ZNF697: variants seen among roughly 807,000 people sequenced by gnomAD.
ZNF697 encodes zinc finger protein 697.
A neutral mutation model predicts 32.4 loss-of-function variants in ZNF697; 23 were observed. That is an observed-to-expected ratio of 0.71 (90% CI 0.51 to 1.01). The LOEUF (loss-of-function observed/expected upper bound fraction) is 1.01. Among genes scored for constraint, ZNF697 ranks in the 50% least tolerant of loss-of-function variants. The pLI, the probability that ZNF697 is intolerant of heterozygous loss-of-function variation, is 0.00. For missense variants in ZNF697, 930 were observed against 794.0 expected (o/e 1.17, Z -2.06); for synonymous variants, 418 against 337.2 (o/e 1.24, Z -2.62).
chr1:119,641,568 A>T (rs1649075956), intron 1 of ZNF697, among the ~76,000 whole-genome samples: 1 of 152,186 alleles, frequency 6.6e-6, no homozygotes, highest in Non-Finnish European at 1.5e-5. Flanking sequence ...TAGGCACATG[A>T]AAAGATTTTT....
chr1:119,622,720 C>A lies in ZNF697; in HGVS notation c.1623G>T (p.Lys541Asn). The A allele has an allele frequency of 6.5e-7, 1 of 1,539,942 alleles. No homozygotes were observed. The highest frequency in any genetic ancestry group is 8.8e-7 in the Non-Finnish European group (1 of 1,140,604). Residue 541 changes from lysine to asparagine, a missense_variant, in exon 3 of 3, where the codon AAG (lysine) becomes AAT (asparagine). Coordinates refer to ENST00000421812, the MANE Select transcript of ZNF697 (RefSeq NM_001080470.2). ...GACCCAGCCCCTAACACAGGTGCAG[C>A]TTCTGGTGCTGCGCGAGGTGCGTTT... ...RYKTHLAQHQKLHLC is the reference protein window; with the variant it reads ...RYKTHLAQHQNLHLC
intron 1 of ZNF697, among the ~76,000 whole-genome samples, chr1:119,630,877 A>G (rs1312162710): frequency 6.6e-6 from 1 of 152,174 alleles, no homozygotes; most frequent in African/African-American, 2.4e-5. Flanking sequence ...CTCAAAAAAA[A>G]AAGAGGAAGG....
intron 1 of ZNF697, among the ~76,000 whole-genome samples, chr1:119,626,396 T>C (rs997286929): frequency 2.6e-5 from 4 of 152,198 alleles, no homozygotes; most frequent in Non-Finnish European, 4.4e-5. Context: ...GGCTATGATA[T>C]GGATGTCTAT....
chr1:119,643,703 G>C (rs1029206814), intron 1 of ZNF697, among the ~76,000 whole-genome samples: 1 of 152,118 alleles, frequency 6.6e-6, no homozygotes, highest in Non-Finnish European at 1.5e-5. Context: ...CATGACATCT[G>C]AGAGATTTGG....
At chr1:119,639,530 A>G (rs115891728) in intron 1 of ZNF697, among the ~76,000 whole-genome samples, 3,238 of 152,208 alleles carry the variant, frequency 0.021, 108 homozygotes, top group African/African-American at 0.075. Context: ...TCGTCCTCAA[A>G]GCATGGGTTA....
intron 1 of ZNF697, among the ~76,000 whole-genome samples, chr1:119,644,711 A>C (rs1649157326): frequency 6.6e-6 from 1 of 152,260 alleles, no homozygotes; most frequent in East Asian, 1.9e-4. Context: ...GCTGATATAC[A>C]GATGTTCAAT....
chr1:119,637,053 C>T (rs965176920), intron 1 of ZNF697, among the ~76,000 whole-genome samples: 1 of 152,210 alleles, frequency 6.6e-6, no homozygotes, highest in African/African-American at 2.4e-5. Context: ...CTACCCAGTA[C>T]ACAAAATGCT....
At chr1:119,635,288 G>T (rs1414071056) in intron 1 of ZNF697, among the ~76,000 whole-genome samples, 1 of 152,132 alleles carries the variant, frequency 6.6e-6, no homozygotes, top group African/African-American at 2.4e-5. Context: ...TGGTTACAAG[G>T]CTTAATACTG....
intron 1 of ZNF697, among the ~76,000 whole-genome samples, chr1:119,628,895 ACAGAT>A (rs1648681638): frequency 1.3e-5 from 2 of 152,238 alleles, no homozygotes; most frequent in African/African-American, 4.8e-5. Context: ...ACATGTATAC[ACAGAT>A]CAGAGAGGAA....
intron 1 of ZNF697, among the ~76,000 whole-genome samples, chr1:119,635,614 C>A (rs777437060): frequency 6.6e-6 from 1 of 152,152 alleles, no homozygotes; most frequent in Non-Finnish European, 1.5e-5. Flanking sequence ...CCAGGACAGA[C>A]AAACTAATGA....
intron 1 of ZNF697, among the ~76,000 whole-genome samples, chr1:119,634,019 A>C (rs1483564531): frequency 6.6e-6 from 1 of 152,210 alleles, no homozygotes; most frequent in Non-Finnish European, 1.5e-5. Flanking sequence ...ACAGGTTAAG[A>C]CTGCACCAGG....
intron 1 of ZNF697, among the ~76,000 whole-genome samples, chr1:119,630,997 G>T (rs1648747172): frequency 6.6e-6 from 1 of 152,246 alleles, no homozygotes; most frequent in African/African-American, 2.4e-5. Flanking sequence ...CCACTTTGGG[G>T]CTACCTGTGA....
chr1:119,625,765 C>T (rs1648560243), intron 2 of ZNF697, 110 bp downstream of exon 2: 2 of 1,401,904 alleles, frequency 1.4e-6, no homozygotes, highest in South Asian at 2.8e-5. Context: ...TTAATGGTCC[C>T]CTCTATGGAA....
chr1:119,636,470 A>G (rs777773673), intron 1 of ZNF697, among the ~76,000 whole-genome samples: 5 of 152,208 alleles, frequency 3.3e-5, no homozygotes, highest in Non-Finnish European at 7.3e-5. Flanking sequence ...CAGTTTCACC[A>G]CTATATGCCA....
intron 1 of ZNF697, among the ~76,000 whole-genome samples, chr1:119,642,551 T>A (rs1489142764): frequency 6.6e-6 from 1 of 152,160 alleles, no homozygotes; most frequent in Non-Finnish European, 1.5e-5. Context: ...TATATATATA[T>A]GTACATAATG....
chr1:119,640,005 T>C (rs1649025111), intron 1 of ZNF697, among the ~76,000 whole-genome samples: 2 of 152,222 alleles, frequency 1.3e-5, no homozygotes, highest in African/African-American at 4.8e-5. Context: ...ACCTACCTTA[T>C]AGGGATAGTA....
In ZNF697 at chr1:119,622,989, G is replaced by C. The variant is rs771509422; in HGVS notation, c.1354C>G (p.Leu452Val). The change falls in exon 3 of 3, where the codon CTG becomes GTG. Residue 452 changes from leucine (L) to valine (V), a missense_variant. Coordinates refer to ENST00000421812, the MANE Select transcript of ZNF697 (RefSeq NM_001080470.2). ...CGKGFGRNSH[L>V]VNHLRVHTGE... The stretch of plus-strand genomic sequence containing the variant: ...GTGTGCACGCGCAGGTGGTTCACCA[G>C]GTGCGAGTTACGCCCGAAGCCCTTC... The C allele has an allele frequency of 6.3e-7, 1 of 1,595,866 alleles. No homozygotes were observed. Among genetic ancestry groups the C allele is most frequent in the Non-Finnish European group, 8.6e-7 (1 of 1,169,278 alleles).
chr1:119,627,690 C>G (rs1648634083), intron 1 of ZNF697, among the ~76,000 whole-genome samples: 2 of 152,114 alleles, frequency 1.3e-5, no homozygotes, highest in Non-Finnish European at 2.9e-5. Context: ...AACATCAAGC[C>G]CTCTCCTTTA....
At chr1:119,638,780 C>A (rs1648990521) in intron 1 of ZNF697, among the ~76,000 whole-genome samples, 1 of 152,178 alleles carries the variant, frequency 6.6e-6, no homozygotes, top group African/African-American at 2.4e-5. Context: ...AGCATTACAA[C>A]TGAGGAGGCT....
Sources: gnomAD v4.1 joint callset for allele counts (sites outside exome capture counted in the v4.1 genomes callset) on GRCh38, gnomAD v4.1.1 for gene constraint, MANE v1.5 for transcripts, NCBI Gene and HGNC (gene_info 2026-07-23, HGNC 2026-07-21) for gene names.